Variants in DNAJC3 observed in about 807,000 individuals in gnomAD.
DNAJC3 encodes the protein DnaJ heat shock protein family (Hsp40) member C3, also known as dnaJ homolog subfamily C member 3.
A neutral mutation model predicts 68.6 loss-of-function variants in DNAJC3; 38 were observed. The ratio of observed to expected loss-of-function variants is 0.55; its 90% CI spans 0.43 to 0.73. The LOEUF is 0.73. Ranked by LOEUF, DNAJC3 falls within the 30% of genes least tolerant of loss-of-function variation. The pLI is 0.00. For synonymous variants in DNAJC3, 203 were observed against 204.0 expected (o/e 1.00, Z 0.04); for missense variants, 526 against 591.9 (o/e 0.89, Z 1.16).
Position 95,677,203 on chromosome 13 carries a change from G to C in DNAJC3, c.-53G>C, listed in dbSNP as rs1879776033. ...GCGCAGCTGCTGCCGGAGCGCCGGC[G>C]CGTGCTGGTGGGCCACACACCTTTC... On this transcript the variant is annotated 5_prime_UTR_variant, in exon 1 of 12. Coordinates refer to ENST00000602402, the MANE Select transcript of DNAJC3 (RefSeq NM_006260.5). The C allele has an allele frequency of 1.3e-6, 2 of 1,541,972 alleles. No homozygotes were observed. Among genetic ancestry groups the C allele is most frequent in the Non-Finnish European group, 1.8e-6 (2 of 1,138,774 alleles).
chr13:95,695,902 A>G (rs1382479346), intron 1 of DNAJC3, among the ~76,000 whole-genome samples: 1 of 152,216 alleles, frequency 6.6e-6, no homozygotes, highest in African/African-American at 2.4e-5. Context: ...CACATATTTT[A>G]ACTAATATGT....
chr13:95,679,864 T>G (rs1042337220), intron 1 of DNAJC3, among the ~76,000 whole-genome samples: 3 of 152,192 alleles, frequency 2.0e-5, no homozygotes, highest in Non-Finnish European at 4.4e-5. Flanking sequence ...ATGAGAGAAG[T>G]GAATGTGGAA....
chr13:95,711,464 C>G (rs1257612875), intron 2 of DNAJC3, among the ~76,000 whole-genome samples: 1 of 151,998 alleles, frequency 6.6e-6, no homozygotes, highest in African/African-American at 2.4e-5. Context: ...CACCATTGCA[C>G]TCTAGCCTGG....
intron 9 of DNAJC3, among the ~76,000 whole-genome samples, chr13:95,776,323 T>C (rs1883290812): frequency 6.6e-6 from 1 of 152,196 alleles, no homozygotes; most frequent in African/African-American, 2.4e-5. Context: ...AAGGATTCAG[T>C]GCAATTGTTT....
intron 2 of DNAJC3, among the ~76,000 whole-genome samples, chr13:95,711,930 T>C (rs1457201635): frequency 6.6e-6 from 1 of 152,186 alleles, no homozygotes; most frequent in Non-Finnish European, 1.5e-5. Flanking sequence ...GAAAGTCTCA[T>C]GAACATAACT....
At position 95,790,295 on chromosome 13, in the gene DNAJC3, C is replaced by T. The variant is rs1033630732; in HGVS notation, c.1358-578C>T. Among the ~76,000 whole-genome samples, 3 of 152,198 alleles carry T rather than the reference C, an allele frequency of 2.0e-5. No homozygotes were observed. In the South Asian group the frequency reaches 6.2e-4, roughly 32 times the overall value. On this transcript the variant is annotated intron_variant, in intron 11 of 11. Transcript: ENST00000602402. ...GCAATATTCCTCTTTATTGCCTTCTCCCATGTCTCTGCATTGATCTCTCTC... is the reference window on the plus strand; with the variant it reads ...GCAATATTCCTCTTTATTGCCTTCTTCCATGTCTCTGCATTGATCTCTCTC...
intron 1 of DNAJC3, among the ~76,000 whole-genome samples, chr13:95,704,734 A>G (rs964870922): frequency 4.0e-5 from 6 of 151,888 alleles, no homozygotes; most frequent in African/African-American, 1.2e-4. Flanking sequence ...TTTCCCACCC[A>G]TGGTGCCATA....
chr13:95,692,184 A>T (rs961445105), intron 1 of DNAJC3, among the ~76,000 whole-genome samples: 1 of 152,014 alleles, frequency 6.6e-6, no homozygotes, highest in African/African-American at 2.4e-5. Context: ...GAAACTTTCC[A>T]TGGCCAAGCA....
At chr13:95,760,527 C>A (rs1882790312) in intron 6 of DNAJC3, 152 bp from the exon 7 acceptor site, 2 of 956,270 alleles carry the variant, frequency 2.1e-6, no homozygotes, top group Non-Finnish European at 3.0e-6. Context: ...TGGTACAATG[C>A]CACGTATAAA....
intron 9 of DNAJC3, among the ~76,000 whole-genome samples, chr13:95,774,308 TA>T (rs1312814004): frequency 1.3e-5 from 2 of 152,216 alleles, no homozygotes; most frequent in Admixed American, 1.3e-4. Context: ...ATGGATTATG[TA>T]TAGGTGTTCT....
chr13:95,701,906 G>A (rs931176204), intron 1 of DNAJC3, among the ~76,000 whole-genome samples: 27 of 151,888 alleles, frequency 1.8e-4, no homozygotes, highest in African/African-American at 6.1e-4. Flanking sequence ...TAAACATATC[G>A]CAAAGTTGAA....
At chr13:95,708,115 T>C (rs1275773682) in intron 1 of DNAJC3, among the ~76,000 whole-genome samples, 1 of 152,108 alleles carries the variant, frequency 6.6e-6, no homozygotes, top group East Asian at 1.9e-4. Context: ...GTCCACCCCA[T>C]GACAGACCAT....
At chr13:95,744,332 A>C (rs1882239940) in intron 4 of DNAJC3, among the ~76,000 whole-genome samples, 1 of 152,214 alleles carries the variant, frequency 6.6e-6, no homozygotes, top group Non-Finnish European at 1.5e-5. Context: ...ATTCTATGAG[A>C]GAAATCTTAG....
At chr13:95,786,944 G>C in intron 10 of DNAJC3, 63 bp from the exon 11 acceptor site, 1 of 1,550,970 alleles carries the variant, frequency 6.4e-7, no homozygotes, top group Non-Finnish European at 8.7e-7. Context: ...CAGCTCTTCT[G>C]ATTTTTATGA....
At chr13:95,719,244 C>A (rs1405473635) in intron 2 of DNAJC3, among the ~76,000 whole-genome samples, 1 of 152,210 alleles carries the variant, frequency 6.6e-6, no homozygotes, top group Non-Finnish European at 1.5e-5. Context: ...GGGTGTACCA[C>A]CCTCTAGGAG....
Position 95,677,192 on chromosome 13 carries a change from G to A in DNAJC3, c.-64G>A, listed in dbSNP as rs1386746600. The stretch of plus-strand genomic sequence containing the variant: ...ACGGCGGGCGGGCGCAGCTGCTGCC[G>A]GAGCGCCGGCGCGTGCTGGTGGGCC... On this transcript the variant is annotated 5_prime_UTR_variant, in exon 1 of 12. Transcript: ENST00000602402. The A allele has an allele frequency of 3.3e-6, 5 of 1,502,466 alleles. No individual in the cohort carries two copies. The African/African-American group carries it at 4.3e-5, about 13-fold the overall frequency. The allele number at this position is 1,502,466 out of a possible 1,614,324, so 93.1% of individuals were successfully genotyped here. A position where few individuals can be genotyped will look rare whatever the true frequency, so the allele number is the denominator to read the frequency against.
intron 4 of DNAJC3, among the ~76,000 whole-genome samples, chr13:95,739,150 C>G (rs1429886755): frequency 1.3e-5 from 2 of 152,078 alleles, no homozygotes; most frequent in African/African-American, 4.8e-5. Flanking sequence ...TGAATATTGG[C>G]CCCCACTCTC....
intron 1 of DNAJC3, among the ~76,000 whole-genome samples, chr13:95,706,751 A>G (rs1880762744): frequency 6.6e-6 from 1 of 152,220 alleles, no homozygotes; most frequent in Non-Finnish European, 1.5e-5. Flanking sequence ...TTGGGTCCAA[A>G]TAAATATTCC....
At chr13:95,729,269 TCTCCCC>T (rs1410117901) in intron 4 of DNAJC3, among the ~76,000 whole-genome samples, 10 of 77,704 alleles carry the variant, frequency 1.3e-4, no homozygotes, top group Non-Finnish European at 1.9e-4. Context: ...TCCCTCTCCC[TCTCCCC>T]CTCCCCCTCC....
Sources: gnomAD v4.1 joint callset for allele counts (sites outside exome capture counted in the v4.1 genomes callset) on GRCh38, gnomAD v4.1.1 for gene constraint, MANE v1.5 for transcripts, NCBI Gene and HGNC (gene_info 2026-07-23, HGNC 2026-07-21) for gene names.